The following VSIR variants were observed in gnomAD, a reference collection of about 807,000 sequenced individuals.
The protein encoded by VSIR is V-type immunoglobulin domain-containing suppressor of T-cell activation.
In VSIR, 10 loss-of-function variants were observed where a neutral mutation model predicts 31.0. The observed-to-expected ratio is 0.32, with a 90% CI of 0.20 to 0.55. VSIR has a LOEUF of 0.55. Among genes scored for constraint, VSIR ranks in the 20% least tolerant of loss-of-function variants. The pLI is 0.93. For synonymous variants in VSIR, 179 were observed against 180.1 expected, an observed-to-expected ratio of 0.99 and a Z score of 0.05; for missense variants, 356 against 416.2, an observed-to-expected ratio of 0.86 and a Z score of 1.26.
chr10:71,765,367 T>C (rs965840465), intron 1 of VSIR, among the ~76,000 whole-genome samples: 10 of 151,934 alleles, frequency 6.6e-5, no homozygotes, highest in African/African-American at 1.9e-4. Flanking sequence ...CAGAGGAGGG[T>C]ATGGCAGGGC....
chr10:71,760,545 TG>T, intron 3 of VSIR: 1 of 247,992 alleles, frequency 4.0e-6, no homozygotes, highest in Middle Eastern at 1.1e-3. Flanking sequence ...CATAGGGGGC[TG>T]GTGGGCAGGG....
At chr10:71,769,245 T>G (rs1352043920) in intron 1 of VSIR, among the ~76,000 whole-genome samples, 4 of 152,262 alleles carry the variant, frequency 2.6e-5, no homozygotes, top group Non-Finnish European at 5.9e-5. Context: ...AATCTCCTTT[T>G]CTTTTTAAAT....
At position 71,755,304 on chromosome 10, in the gene VSIR, G is replaced by A. The variant is rs955564555; in HGVS notation, c.676+55C>T. On this transcript the variant is annotated intron_variant, in intron 4 of 6. Coordinates refer to ENST00000394957, the MANE Select transcript of VSIR (RefSeq NM_022153.2). ...GCGAATCCCAGGGGCTGAACTGGGG[G>A]CTGGAGCAGGTCACTCGCACCGTCC... 3.4e-6 allele frequency: 5 copies of A among 1,477,502 alleles called. No individual in the cohort carries two copies. In the African/African-American group the frequency reaches 4.2e-5, roughly 12 times the overall value. 91.5% of individuals were successfully genotyped at this position (1,477,502 alleles called of 1,614,324 possible).
At chr10:71,760,564 T>C (rs1046872106) in intron 3 of VSIR, 51 of 294,266 alleles carry the variant, frequency 1.7e-4, no homozygotes, top group Admixed American at 8.5e-4. Context: ...GGGCGGCACT[T>C]AGCTGCCTGG....
intron 1 of VSIR, among the ~76,000 whole-genome samples, chr10:71,766,675 T>A (rs1840552831): frequency 6.6e-6 from 1 of 152,134 alleles, no homozygotes; most frequent in Non-Finnish European, 1.5e-5. Context: ...TCACATTTAG[T>A]TCTCATAACA....
chr10:71,760,181 G>T lies in VSIR; in HGVS notation c.568+687C>A, dbSNP rs978207972. On this transcript the variant is annotated intron_variant, in intron 3 of 6. Coordinates refer to ENST00000394957, the MANE Select transcript of VSIR (RefSeq NM_022153.2). ...TATATGTATATACATATATATGTGTGTATATATATGTATATACATATATAT... is the reference window on the plus strand; with the variant it reads ...TATATGTATATACATATATATGTGTTTATATATATGTATATACATATATAT... 8.1e-5 allele frequency among the ~76,000 whole-genome samples: 3 copies of T among 37,258 alleles called. 1 individual carries two copies. Among genetic ancestry groups the T allele is most frequent in the East Asian group, 9.4e-4 (2 of 2,122 alleles). The allele number at this position is 37,258 out of a possible 152,430, so 24.4% of individuals were successfully genotyped here.
Position 71,751,952 on chromosome 10 carries a change from C to G in VSIR, c.705-91G>C. ...CCCAGTTTTTCTCTCCTCCCTTTCT[C>G]TCACCTACATCCCCATCCCCAAGCC... On this transcript the variant is annotated intron_variant, in intron 5 of 6. Coordinates refer to ENST00000394957, the MANE Select transcript of VSIR (RefSeq NM_022153.2). This position sits in a 1 kb window ranked among gnomAD's most constrained non-coding sequence, Gnocchi z 4.9. 1 of 1,304,796 alleles carries G rather than the reference C, an allele frequency of 7.7e-7. No individual in the cohort carries two copies. The highest frequency in any genetic ancestry group is 1.1e-6 in the Non-Finnish European group (1 of 934,966). 80.8% of individuals were successfully genotyped at this position (1,304,796 alleles called of 1,614,324 possible).
At position 71,751,979 on chromosome 10, in the gene VSIR, C is replaced by T; in HGVS notation, c.705-118G>A. 1 of 1,122,814 alleles carries T rather than the reference C, an allele frequency of 8.9e-7. No homozygotes were observed. Among genetic ancestry groups the T allele is most frequent in the Non-Finnish European group, 1.3e-6 (1 of 770,448 alleles). 69.6% of individuals were successfully genotyped at this position (1,122,814 alleles called of 1,614,324 possible). ...CACCTACATCCCCATCCCCAAGCCT[C>T]AGCAGCATCTCCAAGCAAGAAGGCA... On this transcript the variant is annotated intron_variant, in intron 5 of 6. Coordinates refer to ENST00000394957, the MANE Select transcript of VSIR (RefSeq NM_022153.2). The surrounding 1 kb of genome is among the most constrained non-coding windows in gnomAD (Gnocchi z 4.9).
chr10:71,761,916 C>T lies in VSIR; in HGVS notation c.193G>A (p.Asp65Asn), dbSNP rs370867717. Reference protein sequence around the residue: ...RLLGPVDKGHDVTFYKTWYRS... With the variant: ...RLLGPVDKGHNVTFYKTWYRS... The stretch of plus-strand genomic sequence containing the variant: ...TACCACGTCTTGTAGAAGGTCACAT[C>T]GTGCCCTTTGTCCACAGGGCCCAAG... The change falls in exon 2 of 7, where the codon GAT becomes AAT. Residue 65 changes from aspartate to asparagine, a missense_variant. Physicochemically the swap from Asp to Asn is conservative, Grantham distance 23. This residue lies in a region of VSIR where 166 missense variants were observed against 231.0 expected (regional missense o/e 0.72). Transcript: ENST00000394957. 29 of 1,613,942 alleles carry T rather than the reference C, an allele frequency of 1.8e-5. No individual in the cohort carries two copies. Among genetic ancestry groups the T allele is most frequent in the Admixed American group, 3.3e-5 (2 of 60,008 alleles).
chr10:71,773,089 T>C lies in VSIR; in HGVS notation c.82+269A>G, dbSNP rs377111837. Among the ~76,000 whole-genome samples, 169 of 152,148 alleles carry C rather than the reference T, an allele frequency of 1.1e-3. No individual in the cohort carries two copies. The South Asian group carries it at 0.017, about 16-fold the overall frequency. On this transcript the variant is annotated intron_variant, in intron 1 of 6. Transcript: ENST00000394957. ...CTGGGTTCTCTGGGCAGGGAAGGGC[T>C]GGACAGGCAGCCCTCAGGGGACAGC...
At chr10:71,761,016 G>T in intron 2 of VSIR, 92 bp from the exon 3 acceptor site, 1 of 1,299,782 alleles carries the variant, frequency 7.7e-7, no homozygotes, top group Non-Finnish European at 1.1e-6. Flanking sequence ...CCTGCCCCAG[G>T]TTCTCACGCT....
intron 1 of VSIR, 85 bp from the exon 2 acceptor site, chr10:71,762,111 T>G: frequency 1.4e-6 from 2 of 1,423,754 alleles, no homozygotes; most frequent in Non-Finnish European, 1.9e-6. Flanking sequence ...CCTTAGCCTC[T>G]GCTACTTCCC....
chr10:71,751,937 C>G lies in VSIR; in HGVS notation c.705-76G>C. 2 of 1,416,846 alleles carry G rather than the reference C, an allele frequency of 1.4e-6. No individual in the cohort carries two copies. Among genetic ancestry groups the G allele is most frequent in the Non-Finnish European group, 1.9e-6 (2 of 1,036,978 alleles). The allele number at this position is 1,416,846 out of a possible 1,614,324, so 87.8% of individuals were successfully genotyped here. ...TCTGCCCTCCCTGCCCCCAGTTTTT[C>G]TCTCCTCCCTTTCTCTCACCTACAT... is the stretch of plus-strand genomic sequence containing the variant. On this transcript the variant is annotated intron_variant, in intron 5 of 6. Transcript: ENST00000394957. This position sits in a 1 kb window ranked among gnomAD's most constrained non-coding sequence, Gnocchi z 4.9.
rs1321841529 is a variant in VSIR at position 71,748,059 on chromosome 10, G to C, written c.*3194C>G. ...CCCCAGTTCCTCTTTCGTGCATTGTGGTTCCCTGAGAAAACGTTAACCCAG... is the reference window on the plus strand; with the variant it reads ...CCCCAGTTCCTCTTTCGTGCATTGTCGTTCCCTGAGAAAACGTTAACCCAG... On this transcript the variant is annotated 3_prime_UTR_variant, in exon 7 of 7. Coordinates refer to ENST00000394957, the MANE Select transcript of VSIR (RefSeq NM_022153.2). The C allele has an allele frequency of 6.6e-6, 1 of 152,112 alleles. No individual in the cohort carries two copies. The highest frequency in any genetic ancestry group is 6.6e-5 in the Admixed American group (1 of 15,260). 9.4% of individuals were successfully genotyped at this position (152,112 alleles called of 1,614,324 possible).
chr10:71,756,167 G>A (rs1381262760), intron 3 of VSIR, among the ~76,000 whole-genome samples: 1 of 152,084 alleles, frequency 6.6e-6, no homozygotes, highest in Non-Finnish European at 1.5e-5. Flanking sequence ...AAAAGTACAA[G>A]TTTAAAAAAT....
intron 1 of VSIR, among the ~76,000 whole-genome samples, chr10:71,773,077 G>A (rs1589413118): frequency 6.6e-6 from 1 of 150,726 alleles, no homozygotes; most frequent in Admixed American, 6.6e-5. Flanking sequence ...GGTTCTCTGG[G>A]CAGGGAAGGG....
In VSIR at chr10:71,749,806, C is replaced by A; in HGVS notation, c.*1447G>T. 6.6e-6 allele frequency: 1 copy of A among 152,558 alleles called. No homozygotes were observed. The allele number at this position is 152,558 out of a possible 1,614,324, so 9.5% of individuals were successfully genotyped here. ...GCAGCCTAGAGGTGCTCCCCTTTTC[C>A]ATCCCCCCAACCCCCCAAGCAATTG... On this transcript the variant is annotated 3_prime_UTR_variant, in exon 7 of 7. Coordinates refer to ENST00000394957, the MANE Select transcript of VSIR (RefSeq NM_022153.2).
chr10:71,759,854 C>CACACACATATATATACACACACACAT (rs1554868480), intron 3 of VSIR, among the ~76,000 whole-genome samples: 3 of 109,194 alleles, frequency 2.7e-5, no homozygotes, highest in Non-Finnish European at 6.2e-5. Context: ...CACATATACA[C>CACACACATATATATACACACACACAT]ACACACACAC....
intron 1 of VSIR, among the ~76,000 whole-genome samples, chr10:71,772,183 T>C (rs1840700776): frequency 6.6e-6 from 1 of 152,184 alleles, no homozygotes; most frequent in Non-Finnish European, 1.5e-5. Context: ...CTCCTCCTCC[T>C]CAGAGGCCCA....
Sources: gnomAD v4.1 joint callset for allele counts (sites outside exome capture counted in the v4.1 genomes callset) on GRCh38, gnomAD v4.1.1 for gene constraint, gnomAD v4.1.1 regional missense constraint, Gnocchi (gnomAD v3.1) non-coding constraint, MANE v1.5 for transcripts, NCBI Gene and HGNC (gene_info 2026-07-23, HGNC 2026-07-21) for gene names.